ABLIM1: variants seen among roughly 807,000 people sequenced by gnomAD.
ABLIM1 encodes actin binding LIM protein 1.
A neutral mutation model predicts 107.0 loss-of-function variants in ABLIM1; 40 were observed. That is an observed-to-expected ratio of 0.37 (90% CI 0.29 to 0.49). ABLIM1 has a LOEUF of 0.49. Ranked by LOEUF, ABLIM1 falls within the 20% of genes least tolerant of loss-of-function variation. ABLIM1 has a pLI of 0.97. For missense variants in ABLIM1, 857 were observed against 1,008.5 expected, an observed-to-expected ratio of 0.85 and a Z score of 2.04; for synonymous variants, 357 against 357.3, an observed-to-expected ratio of 1.00 and a Z score of 0.01.
Position 114,481,500 on chromosome 10 carries a change from G to A in ABLIM1, c.1041+6458C>T, listed in dbSNP as rs2057369409. Among the ~76,000 whole-genome samples the A allele has an allele frequency of 2.0e-5, 3 of 151,976 alleles. No homozygotes were observed. In the South Asian group the frequency reaches 6.2e-4, roughly 32 times the overall value. On this transcript the variant is annotated intron_variant, in intron 8 of 22. Coordinates refer to ENST00000533213, the MANE Select transcript of ABLIM1 (RefSeq NM_002313.7). ...GTACCTGCCTTGGGTTTTTGTTGAA[G>A]TTCACTAGACAAGGTGGGGATAACA...
upstream of ABLIM1, among the ~76,000 whole-genome samples, chr10:114,689,363 G>T (rs1256908003): frequency 8.3e-6 from 1 of 120,298 alleles, no homozygotes; most frequent in African/African-American, 3.0e-5. Flanking sequence ...TTTGTATATT[G>T]GTTTTTTTTT....
chr10:114,463,907 A>T (rs192624567), intron 12 of ABLIM1, among the ~76,000 whole-genome samples: 3 of 152,204 alleles, frequency 2.0e-5, no homozygotes, highest in Admixed American at 6.5e-5. Context: ...TTAAAGCCTA[A>T]CAAGTGGCAT....
chr10:114,462,847 A>T (rs984280954), intron 12 of ABLIM1, among the ~76,000 whole-genome samples: 2 of 152,146 alleles, frequency 1.3e-5, no homozygotes, highest in African/African-American at 4.8e-5. Flanking sequence ...TAGAGCCCTT[A>T]GAAGTGACAT....
At chr10:114,613,710 T>A (rs758333928) in intron 1 of ABLIM1, 18 of 1,320,280 alleles carry the variant, frequency 1.4e-5, no homozygotes, top group Non-Finnish European at 1.7e-5. Flanking sequence ...ATGAGACCTG[T>A]GTTCACAGCA....
At chr10:114,538,948 G>A (rs1366312149) in intron 6 of ABLIM1, among the ~76,000 whole-genome samples, 3 of 152,236 alleles carry the variant, frequency 2.0e-5, no homozygotes, top group African/African-American at 4.8e-5. Flanking sequence ...CAAGACTAGG[G>A]GAAGAACACA....
At chr10:114,618,999 G>A (rs555928294) in intron 1 of ABLIM1, among the ~76,000 whole-genome samples, 2 of 151,958 alleles carry the variant, frequency 1.3e-5, no homozygotes, top group South Asian at 2.1e-4. Flanking sequence ...TTTGAATCCT[G>A]TTGTATATTG....
At chr10:114,616,110 A>G (rs2077116195) in intron 1 of ABLIM1, among the ~76,000 whole-genome samples, 1 of 152,188 alleles carries the variant, frequency 6.6e-6, no homozygotes, top group Non-Finnish European at 1.5e-5. Flanking sequence ...AGGCAGTAGG[A>G]TCACTTGAGC....
intron 1 of ABLIM1, among the ~76,000 whole-genome samples, chr10:114,713,224 C>G (rs1453477386): frequency 1.3e-5 from 2 of 152,082 alleles, no homozygotes; most frequent in African/African-American, 4.8e-5. Context: ...ACTGTATTGT[C>G]CTCTTCCTAG....
At chr10:114,672,494 G>A (rs1414887481) in intron 1 of ABLIM1, among the ~76,000 whole-genome samples, 2 of 151,904 alleles carry the variant, frequency 1.3e-5, no homozygotes, top group African/African-American at 2.4e-5. Context: ...AGCCACCCAC[G>A]CCTGGCCAGT....
chr10:114,640,683 T>G (rs1225164689), intron 1 of ABLIM1, among the ~76,000 whole-genome samples: 1 of 152,180 alleles, frequency 6.6e-6, no homozygotes, highest in Non-Finnish European at 1.5e-5. Flanking sequence ...GTGATTCCAT[T>G]GAGTTAAAAG....
intron 6 of ABLIM1, among the ~76,000 whole-genome samples, chr10:114,538,263 A>C (rs1219644205): frequency 6.6e-6 from 1 of 152,232 alleles, no homozygotes; most frequent in Non-Finnish European, 1.5e-5. Context: ...TCTGAGAGCC[A>C]AGGAAAAGGA....
At position 114,496,234 on chromosome 10, in the gene ABLIM1, A is replaced by C. The variant is rs114582018; in HGVS notation, c.895-4356T>G. The stretch of plus-strand genomic sequence containing the variant: ...AACTCACAAGATGAATGGAAGTTAC[A>C]TCAAGGCCCCATGTGGCAGGACTTC... On this transcript the variant is annotated intron_variant, in intron 6 of 22. Coordinates refer to ENST00000533213, the MANE Select transcript of ABLIM1 (RefSeq NM_002313.7). Among the ~76,000 whole-genome samples, 599 of 152,360 alleles carry C rather than the reference A, an allele frequency of 3.9e-3. 4 individuals are homozygous for C. Among genetic ancestry groups the C allele is most frequent in the African/African-American group, 0.014 (573 of 41,588 alleles).
chr10:114,718,892 A>C (rs2081770235), intron 1 of ABLIM1, among the ~76,000 whole-genome samples: 1 of 152,236 alleles, frequency 6.6e-6, no homozygotes, highest in Non-Finnish European at 1.5e-5. Flanking sequence ...ATGTGGGAAA[A>C]GTTACTAGAA....
At chr10:114,633,842 A>C (rs2078321516) in intron 1 of ABLIM1, among the ~76,000 whole-genome samples, 1 of 152,162 alleles carries the variant, frequency 6.6e-6, no homozygotes, top group South Asian at 2.1e-4. Context: ...CAGAGAGCTG[A>C]AATTAGGCTG....
chr10:114,521,273 T>A (rs1466855747), intron 6 of ABLIM1, among the ~76,000 whole-genome samples: 2 of 152,236 alleles, frequency 1.3e-5, no homozygotes, highest in African/African-American at 4.8e-5. Flanking sequence ...CCTGCAGTAA[T>A]CATCTGTACG....
chr10:114,673,064 C>G (rs2080322848), intron 1 of ABLIM1, among the ~76,000 whole-genome samples: 1 of 151,960 alleles, frequency 6.6e-6, no homozygotes, highest in Admixed American at 6.6e-5. Flanking sequence ...TCCAGACCAG[C>G]CTGACAAACA....
chr10:114,442,840 A>C (rs2060389288), intron 17 of ABLIM1, among the ~76,000 whole-genome samples: 1 of 105,256 alleles, frequency 9.5e-6, no homozygotes, highest in African/African-American at 4.8e-5. Flanking sequence ...AGTGAACATT[A>C]AATGCATTTT....
intron 1 of ABLIM1, among the ~76,000 whole-genome samples, chr10:114,649,358 C>T (rs2141057498): frequency 6.6e-6 from 1 of 151,532 alleles, no homozygotes; most frequent in East Asian, 1.9e-4. Flanking sequence ...GCCAAGATCA[C>T]ACCAGTGTGC....
chr10:114,508,091 G>A (rs2061394305), intron 6 of ABLIM1, among the ~76,000 whole-genome samples: 1 of 152,226 alleles, frequency 6.6e-6, no homozygotes, highest in Non-Finnish European at 1.5e-5. Flanking sequence ...ACCCTTTACT[G>A]AGCCTTAAGG....
Sources: gnomAD v4.1 joint callset for allele counts (sites outside exome capture counted in the v4.1 genomes callset) on GRCh38, gnomAD v4.1.1 for gene constraint, MANE v1.5 for transcripts, NCBI Gene and HGNC (gene_info 2026-07-23, HGNC 2026-07-21) for gene names.